The following PNP variants were observed in gnomAD, a reference collection of about 807,000 sequenced individuals.
PNP encodes the protein purine nucleoside phosphorylase, also known as HEL-S-156an.
PNP carries 18 observed loss-of-function variants against 26.8 expected under a neutral mutation model. The observed-to-expected ratio is 0.67, with a 90% CI of 0.46 to 1.00. The LOEUF is 1.00. Among genes scored for constraint, PNP ranks in the 50% least tolerant of loss-of-function variants. The pLI is 0.00. For missense variants in PNP, 320 were observed against 362.9 expected (o/e 0.88, Z 0.96); for synonymous variants, 116 against 124.8 (o/e 0.93, Z 0.47).
chr14:20,471,436 T>A (rs113442007), intron 1 of PNP, among the ~76,000 whole-genome samples: 2,195 of 151,780 alleles, frequency 0.014, 59 homozygotes, highest in African/African-American at 0.049. Flanking sequence ...GTGTGTTTTT[T>A]ATAGGGTCTC....
chr14:20,475,250 T>C lies in PNP; in HGVS notation c.650T>C (p.Val217Ala), dbSNP rs1238185384. ...CTGCAGAAGCTGGGAGCAGACGCTG[T>C]TGGTGAGAAGGGGAATTTGGCTGGA... is the stretch of plus-strand genomic sequence containing the variant. ...RVLQKLGADA[V>A]GMSTVPEVIV... is the part of the protein sequence containing the mutation. The change falls in exon 5 of 6, where the codon GTT becomes GCT. Residue 217 changes from valine (V) to alanine (A), a missense_variant and splice_region_variant. By Grantham distance (64) the Val-to-Ala change is moderately conservative. Transcript: ENST00000361505. 1 of 1,610,834 alleles carries C rather than the reference T, an allele frequency of 6.2e-7. No homozygotes were observed. The highest frequency in any genetic ancestry group is 8.5e-7 in the Non-Finnish European group (1 of 1,177,630).
chr14:20,474,700 T>C (rs570695188), intron 3 of PNP, 73 bp from the exon 4 acceptor site: 23 of 1,570,592 alleles, frequency 1.5e-5, no homozygotes, highest in Middle Eastern at 1.7e-4. Flanking sequence ...TCTTTCACGA[T>C]GTATGTCATG....
In PNP at chr14:20,474,753, T is replaced by C. The variant is rs763807017; in HGVS notation, c.286-20T>C. The C allele has an allele frequency of 3.7e-6, 6 of 1,612,614 alleles. No individual in the cohort carries two copies. In the African/African-American group the frequency reaches 8.0e-5, roughly 22 times the overall value. On this transcript the variant is annotated intron_variant, in intron 3 of 5. Coordinates refer to ENST00000361505, the MANE Select transcript of PNP (RefSeq NM_000270.4). Reference sequence around the variant, plus strand: ...ATTAATGAAATTTTGTAAATTTTTTTCGGATTGTTTGCTTCGAAGGTGACA... The same window carrying C: ...ATTAATGAAATTTTGTAAATTTTTTCCGGATTGTTTGCTTCGAAGGTGACA...
intron 5 of PNP, 102 bp from the exon 6 acceptor site, chr14:20,476,281 TG>T: frequency 6.2e-6 from 6 of 962,760 alleles, no homozygotes; most frequent in Non-Finnish European, 1.0e-5. Context: ...CATCTTTGGA[TG>T]TTTTTTGAGA....
intron 1 of PNP, 87 bp from the exon 2 acceptor site, chr14:20,472,221 C>T (rs2139335003): frequency 2.6e-6 from 3 of 1,146,700 alleles, no homozygotes; most frequent in East Asian, 4.7e-5. Context: ...CTCAGTATAC[C>T]TGCCAGCCTT....
intron 5 of PNP, among the ~76,000 whole-genome samples, chr14:20,475,926 T>G (rs536685772): frequency 6.6e-6 from 1 of 152,310 alleles, no homozygotes; most frequent in South Asian, 2.1e-4. Context: ...ATTGGTAATT[T>G]TAAGAAATGT....
At position 20,475,246 on chromosome 14, in the gene PNP, G is replaced by A. The variant is rs755640590; in HGVS notation, c.646G>A (p.Ala216Thr). Residue 216 changes from alanine to threonine, a missense_variant, in exon 5 of 6, where the codon GCT (alanine) becomes ACT (threonine). Ala to Thr is a moderately conservative substitution (Grantham distance 58). Transcript: ENST00000361505. ...CRVLQKLGAD[A>T]VGMSTVPEVI... ...TGTGCTGCAGAAGCTGGGAGCAGAC[G>A]CTGTTGGTGAGAAGGGGAATTTGGC... 5.6e-6 allele frequency: 9 copies of A among 1,611,204 alleles called. No individual in the cohort carries two copies. Among genetic ancestry groups the A allele is most frequent in the Admixed American group, 1.7e-5 (1 of 59,944 alleles).
rs995445126 is a variant in PNP, at chr14:20,469,843, A to G, written c.11+308A>G. On this transcript the variant is annotated intron_variant, in intron 1 of 5. Transcript: ENST00000361505. The stretch of plus-strand genomic sequence containing the variant: ...GTCTCCGTGTGTGTGTTAGGGGAAC[A>G]AGTGGAGAGTGAGTATATGTATATA... The G allele has an allele frequency of 2.2e-5, 13 of 585,442 alleles. No individual in the cohort carries two copies. In the African/African-American group the frequency reaches 2.2e-4, roughly 10 times the overall value. The allele number at this position is 585,442 out of a possible 1,614,324, so 36.3% of individuals were successfully genotyped here. A position where few individuals can be genotyped will look rare whatever the true frequency, so the allele number is the denominator to read the frequency against.
intron 1 of PNP, among the ~76,000 whole-genome samples, chr14:20,469,965 G>A (rs1566523551): frequency 6.6e-6 from 1 of 152,194 alleles, no homozygotes; most frequent in Admixed American, 6.5e-5. Context: ...TACTTTTGGT[G>A]CTCAAATTCG....
rs943338160 is a variant in PNP, at chr14:20,474,738, T to C, written c.286-35T>C. ...TTTCAGTGTAGCTGAATTAATGAAA[T>C]TTTGTAAATTTTTTTCGGATTGTTT... is the stretch of plus-strand genomic sequence containing the variant. On this transcript the variant is annotated intron_variant, in intron 3 of 5. Coordinates refer to ENST00000361505, the MANE Select transcript of PNP (RefSeq NM_000270.4). The C allele has an allele frequency of 3.7e-6, 6 of 1,609,458 alleles. 1 individual carries two copies. The Admixed American group carries it at 8.4e-5, about 23-fold the overall frequency.
chr14:20,475,365 G>A (rs908098543), intron 5 of PNP, 113 bp downstream of exon 5: 4 of 912,588 alleles, frequency 4.4e-6, no homozygotes, highest in Non-Finnish European at 6.6e-6. Context: ...TGATTTCAGG[G>A]AAGGGTGAAT....
chr14:20,475,387 A>C lies in PNP; in HGVS notation c.652+135A>C. On this transcript the variant is annotated intron_variant, in intron 5 of 5. Coordinates refer to ENST00000361505, the MANE Select transcript of PNP (RefSeq NM_000270.4). ...AGGGAAGGGTGAATTAAACTGACTT[A>C]TTGAAATACAAACTGGTGAGATTTG... The C allele has an allele frequency of 5.3e-6, 4 of 761,006 alleles. No homozygotes were observed. The South Asian group carries it at 7.4e-5, about 14-fold the overall frequency. The allele number at this position is 761,006 out of a possible 1,614,324, so 47.1% of individuals were successfully genotyped here. A position where few individuals can be genotyped will look rare whatever the true frequency, so the allele number is the denominator to read the frequency against.
rs1241832529 is a variant in PNP, at chr14:20,475,170, C to A, written c.570C>A (p.Gly190=). ...GGGAGCAACGTGAGCTACAGGAAGG[C>A]ACCTATGTGATGGTGGCAGGCCCCA... ...QMGEQRELQE[G]TYVMVAGPSF... is the part of the protein sequence containing the mutation. The change falls in exon 5 of 6, where the codon GGC becomes GGA. Residue 190 remains glycine, a synonymous_variant. Transcript: ENST00000361505. The A allele has an allele frequency of 6.2e-7, 1 of 1,614,170 alleles. No individual in the cohort carries two copies. The highest frequency in any genetic ancestry group is 1.7e-5 in the Admixed American group (1 of 60,016).
intron 2 of PNP, chr14:20,472,827 T>C (rs1882016252): frequency 3.8e-6 from 1 of 264,234 alleles, no homozygotes. Flanking sequence ...ATTTCTATCT[T>C]CTTTTCCCTG....
Position 20,469,442 on chromosome 14 carries a change from C to CAGCAT in PNP, c.-79_-75dup. ...CCAGACCCGGCAGCCTTGCTCAGTT[C>CAGCAT]AGCATAGCGGAGCGGATCCGATCGG... On this transcript the variant is annotated 5_prime_UTR_variant, in exon 1 of 6. Transcript: ENST00000361505. 6 of 1,527,630 alleles carry CAGCAT rather than the reference C, an allele frequency of 3.9e-6. No individual in the cohort carries two copies. Among genetic ancestry groups the CAGCAT allele is most frequent in the Non-Finnish European group, 5.3e-6 (6 of 1,126,720 alleles). 94.6% of individuals were successfully genotyped at this position (1,527,630 alleles called of 1,614,324 possible).
At chr14:20,471,054 G>A (rs534621210) in intron 1 of PNP, among the ~76,000 whole-genome samples, 89 of 151,746 alleles carry the variant, frequency 5.9e-4, no homozygotes, top group African/African-American at 2.1e-3. Flanking sequence ...TTTTGGAGTC[G>A]GAGTCTCGCT....
Position 20,472,305 on chromosome 14 carries a change from C to A in PNP, c.12-3C>A. The A allele has an allele frequency of 6.2e-7, 1 of 1,612,904 alleles. No individual in the cohort carries two copies. The highest frequency in any genetic ancestry group is 8.5e-7 in the Non-Finnish European group (1 of 1,178,980). ...ATTCACCTTGATATTTTTTCTCCCC[C>A]AGATACACCTATGAAGATTATAAGA... On this transcript the variant is annotated splice_region_variant and splice_polypyrimidine_tract_variant and intron_variant, in intron 1 of 5. Transcript: ENST00000361505.
rs1882062146 is a variant in PNP, at chr14:20,474,771, A to T, written c.286-2A>T. ...ATTTTTTTCGGATTGTTTGCTTCGA[A>T]GGTGACATTCCCAGTGAGGGTTTTC... On this transcript the variant is annotated splice_acceptor_variant, in intron 3 of 5. Transcript: ENST00000361505. LOFTEE classifies it high-confidence loss of function. 1 of 1,614,022 alleles carries T rather than the reference A, an allele frequency of 6.2e-7. No homozygotes were observed. The highest frequency in any genetic ancestry group is 8.5e-7 in the Non-Finnish European group (1 of 1,179,956).
Position 20,476,371 on chromosome 14 carries a change from T to C in PNP, c.653-13T>C, listed in dbSNP as rs931895349. ...GGATCCTGACAGTTGGTTTCCATCT[T>C]TCTCACTATCAGGCATGAGTACAGT... On this transcript the variant is annotated splice_polypyrimidine_tract_variant and intron_variant, in intron 5 of 5. Coordinates refer to ENST00000361505, the MANE Select transcript of PNP (RefSeq NM_000270.4). The C allele has an allele frequency of 4.4e-6, 7 of 1,598,372 alleles. No individual in the cohort carries two copies. The highest frequency in any genetic ancestry group is 6.0e-6 in the Non-Finnish European group (7 of 1,166,168).
Sources: gnomAD v4.1 joint callset for allele counts (sites outside exome capture counted in the v4.1 genomes callset) on GRCh38, gnomAD v4.1.1 for gene constraint, MANE v1.5 for transcripts, NCBI Gene and HGNC (gene_info 2026-07-23, HGNC 2026-07-21) for gene names.